Variants in CACNA1H observed in about 807,000 individuals in gnomAD.
The protein encoded by CACNA1H is calcium voltage-gated channel subunit alpha1 H.
In CACNA1H, 149 loss-of-function variants were observed where a neutral mutation model predicts 192.5. The ratio of observed to expected loss-of-function variants is 0.77; its 90% CI spans 0.68 to 0.89. CACNA1H has a LOEUF of 0.89. CACNA1H is among the 40% of genes least tolerant of loss of function. The pLI is 0.00. For synonymous variants in CACNA1H, 2,202 were observed against 1,475.2 expected (o/e 1.49, Z -11.29); for missense variants, 4,257 against 3,423.5 (o/e 1.24, Z -6.08).
At position 1,220,461 on chromosome 16, in the gene CACNA1H, C is replaced by T. The variant is rs1970394104; in HGVS notation, c.6529C>T (p.Pro2177Ser). ...EAKAWGPEAE[P>S]ALGARRKKKM... Reference sequence around the variant, plus strand: ...GAAGGCCTGGGGCCCTGAGGCCGAGCCCGCTCTGGGTGCGCGCAGAAAGAA... The same window carrying T: ...GAAGGCCTGGGGCCCTGAGGCCGAGTCCGCTCTGGGTGCGCGCAGAAAGAA... The change falls in exon 35 of 35, where the codon CCC (proline) becomes TCC (serine). Residue 2177 changes from proline to serine, a missense_variant. By Grantham distance (74) the Pro-to-Ser change is moderately conservative. Transcript: ENST00000348261. 1.3e-6 allele frequency: 2 copies of T among 1,544,508 alleles called. No homozygotes were observed. Among genetic ancestry groups the T allele is most frequent in the Non-Finnish European group, 8.7e-7 (1 of 1,154,172 alleles).
intron 2 of CACNA1H, among the ~76,000 whole-genome samples, chr16:1,177,864 T>C (rs1459240144): frequency 6.6e-6 from 1 of 151,716 alleles, no homozygotes; most frequent in Non-Finnish European, 1.5e-5. Context: ...CTCATCCCAG[T>C]CACCTCCCAA....
rs769709687 is a variant in CACNA1H, at chr16:1,215,299, G to A, written c.5097G>A (p.Glu1699=). The A allele has an allele frequency of 1.9e-6, 3 of 1,610,272 alleles. No individual in the cohort carries two copies. Among genetic ancestry groups the A allele is most frequent in the African/African-American group, 1.3e-5 (1 of 74,976 alleles). Reference sequence around the variant, plus strand: ...TGTCACTCATGGGCATCACGCTGGAGGAGATAGAGATGAGCGCCGCGCTGC... The same window carrying A: ...TGTCACTCATGGGCATCACGCTGGAAGAGATAGAGATGAGCGCCGCGCTGC... ...VLLSLMGITL[E]EIEMSAALPI... is the part of the protein sequence containing the mutation. Residue 1699 remains glutamate (E), a synonymous_variant, in exon 29 of 35, where the codon GAG becomes GAA. Coordinates refer to ENST00000348261, the MANE Select transcript of CACNA1H (RefSeq NM_021098.3).
rs747311145 is a variant in CACNA1H, at chr16:1,200,277, G to A, written c.825G>A (p.Leu275=). Residue 275 remains leucine (L), a synonymous_variant, in exon 7 of 35, where the codon CTG becomes CTA. Coordinates refer to ENST00000348261, the MANE Select transcript of CACNA1H (RefSeq NM_021098.3). The part of the protein sequence containing the change: ...AFVRNNNLTF[L]RPYYQTEEGE... ...CCAGGAACAACAACCTGACCTTCCT[G>A]CGGCCGTACTACCAGACGGAGGAGG... 5.0e-6 allele frequency: 8 copies of A among 1,601,724 alleles called. No individual in the cohort carries two copies. The East Asian group carries it at 1.8e-4, about 36-fold the overall frequency.
intron 2 of CACNA1H, among the ~76,000 whole-genome samples, 200 bp downstream of exon 2, chr16:1,154,236 G>A (rs1451917831): frequency 1.3e-5 from 2 of 151,932 alleles, no homozygotes; most frequent in Non-Finnish European, 2.9e-5. Context: ...GGGGCCACCG[G>A]GCGCCTCCGG....
chr16:1,210,164 G>A (rs1186109821), intron 18 of CACNA1H, 29 bp downstream of exon 18: 2 of 1,524,848 alleles, frequency 1.3e-6, no homozygotes, highest in South Asian at 1.2e-5. Flanking sequence ...GAGGCTGCAT[G>A]GCTAGTTCCA....
In CACNA1H at chr16:1,207,342, C is replaced by T. The variant is rs1271757663; in HGVS notation, c.2975C>T (p.Ala992Val). The T allele has an allele frequency of 1.2e-5, 20 of 1,612,352 alleles. No individual in the cohort carries two copies. Among genetic ancestry groups the T allele is most frequent in the African/African-American group, 2.7e-5 (2 of 74,878 alleles). The change falls in exon 14 of 35, where the codon GCC (alanine) becomes GTC (valine). Residue 992 changes from alanine to valine, a missense_variant. Physicochemically the swap from Ala to Val is moderately conservative, Grantham distance 64. Coordinates refer to ENST00000348261, the MANE Select transcript of CACNA1H (RefSeq NM_021098.3). ...ATGGCCTCCACCTCCTCCTGGGCCG[C>T]CCTCTACTTCGTGGCCCTCATGACC... is the stretch of plus-strand genomic sequence containing the variant. The part of the protein sequence containing the change: ...NGMASTSSWA[A>V]LYFVALMTFG...
intron 26 of CACNA1H, 128 bp from the exon 27 acceptor site, chr16:1,213,652 C>T: frequency 1.6e-6 from 1 of 623,358 alleles, no homozygotes; most frequent in East Asian, 2.9e-5. Flanking sequence ...CCAGCCCCAT[C>T]TTCACATGAG....
At chr16:1,215,147 G>A (rs1969904533) in intron 28 of CACNA1H, 66 bp downstream of exon 28, 1 of 1,582,212 alleles carries the variant, frequency 6.3e-7, no homozygotes, top group Non-Finnish European at 8.6e-7. Context: ...GGGGGCAGGT[G>A]AGGCCGCAGG....
intron 8 of CACNA1H, among the ~76,000 whole-genome samples, chr16:1,201,355 T>C (rs1967874139): frequency 6.6e-6 from 1 of 151,178 alleles, no homozygotes. Context: ...GAGGGGAGAG[T>C]GGCCACCGTT....
intron 16 of CACNA1H, among the ~76,000 whole-genome samples, chr16:1,208,763 C>A (rs1285805821): frequency 6.6e-6 from 1 of 152,118 alleles, no homozygotes; most frequent in East Asian, 1.9e-4. Context: ...CGGGGGCCAC[C>A]CACACTTTGT....
At position 1,202,243 on chromosome 16, in the gene CACNA1H, C is replaced by T. The variant is rs1057518033; in HGVS notation, c.1793C>T (p.Ala598Val). 1 of 1,562,950 alleles carries T rather than the reference C, an allele frequency of 6.4e-7. No individual in the cohort carries two copies. The highest frequency in any genetic ancestry group is 8.7e-7 in the Non-Finnish European group (1 of 1,155,748). ...RARVAHAAAT[A>V]AASLRLATGL... ...CGGGTGGCACATGCCGCAGCCACTGCCGCTGCCAGCCTCAGACTGGCCACA... is the reference window on the plus strand; with the variant it reads ...CGGGTGGCACATGCCGCAGCCACTGTCGCTGCCAGCCTCAGACTGGCCACA... The change falls in exon 9 of 35, where the codon GCC (alanine) becomes GTC (valine). Residue 598 changes from alanine (A) to valine (V), a missense_variant. Transcript: ENST00000348261.
chr16:1,190,872 GTC>G lies in CACNA1H; in HGVS notation c.300-4094_300-4093del, dbSNP rs759417989. Reference sequence around the variant, plus strand: ...CTGTGTGGCCTCAGGCACACTCGGGGTCTCTCTGACCCAGCAGGCTGGCCTGG... The same window carrying G: ...CTGTGTGGCCTCAGGCACACTCGGGGTCTCTGACCCAGCAGGCTGGCCTGG... On this transcript the variant is annotated intron_variant, in intron 2 of 34. Transcript: ENST00000348261. 4.2e-3 allele frequency among the ~76,000 whole-genome samples: 614 copies of G among 146,898 alleles called. 6 individuals carry two copies. Among genetic ancestry groups the G allele is most frequent in the African/African-American group, 0.014 (557 of 39,908 alleles).
In CACNA1H at chr16:1,221,535, G is replaced by C. The variant is rs1970479913; in HGVS notation, c.*541G>C. ...CTTCCCAGAAGCGTCCTGTGACTCT[G>C]GGAGAGGTGACACCTCACTAAGGGG... On this transcript the variant is annotated 3_prime_UTR_variant, in exon 35 of 35. Coordinates refer to ENST00000348261, the MANE Select transcript of CACNA1H (RefSeq NM_021098.3). The C allele has an allele frequency of 1.9e-5, 9 of 482,138 alleles. No homozygotes were observed. The highest frequency in any genetic ancestry group is 3.3e-5 in the Non-Finnish European group (9 of 273,464). 29.9% of individuals were successfully genotyped at this position (482,138 alleles called of 1,614,324 possible).
intron 10 of CACNA1H, 129 bp downstream of exon 10, chr16:1,204,587 C>T (rs568364499): frequency 4.8e-5 from 34 of 709,104 alleles, no homozygotes; most frequent in Non-Finnish European, 6.1e-5. Flanking sequence ...TCTAGAAAGC[C>T]GGGGATGGTG....
intron 6 of CACNA1H, among the ~76,000 whole-genome samples, chr16:1,199,785 C>T (rs568322894): frequency 9.2e-4 from 140 of 151,734 alleles, no homozygotes; most frequent in African/African-American, 3.3e-3. Flanking sequence ...CCTGGATCCT[C>T]TCAGCCCTCA....
Position 1,167,786 on chromosome 16 carries a change from C to G in CACNA1H, c.299+13750C>G, listed in dbSNP as rs1005652537. 2.0e-5 allele frequency among the ~76,000 whole-genome samples: 3 copies of G among 152,198 alleles called. No individual in the cohort carries two copies. Among genetic ancestry groups the G allele is most frequent in the African/African-American group, 7.2e-5 (3 of 41,454 alleles). ...CACCCAGACACGGGAAACGGGACAC[C>G]TGGAGCTGTGGCGCTGGTGTGTGCT... On this transcript the variant is annotated intron_variant, in intron 2 of 34. Coordinates refer to ENST00000348261, the MANE Select transcript of CACNA1H (RefSeq NM_021098.3). The surrounding 1 kb of genome is among the most constrained non-coding windows in gnomAD (Gnocchi z 4.2).
chr16:1,220,497 C>T lies in CACNA1H; in HGVS notation c.6565C>T (p.Pro2189Ser), dbSNP rs538538654. The change falls in exon 35 of 35, where the codon CCC (proline) becomes TCC (serine). Residue 2189 changes from proline (P) to serine (S), a missense_variant. Coordinates refer to ENST00000348261, the MANE Select transcript of CACNA1H (RefSeq NM_021098.3). ...TGCGCGCAGAAAGAAGAAGATGAGCCCCCCCTGCATCTCGGTGGAACCCCC... is the reference window on the plus strand; with the variant it reads ...TGCGCGCAGAAAGAAGAAGATGAGCTCCCCCTGCATCTCGGTGGAACCCCC... ...LGARRKKKMSPPCISVEPPAE... is the reference protein window; with the variant it reads ...LGARRKKKMSSPCISVEPPAE... 1.0e-5 allele frequency: 16 copies of T among 1,543,046 alleles called. No homozygotes were observed. The highest frequency in any genetic ancestry group is 1.8e-4 in the Middle Eastern group (1 of 5,682).
intron 9 of CACNA1H, among the ~76,000 whole-genome samples, chr16:1,203,667 T>G (rs568830458): frequency 1.3e-5 from 2 of 152,290 alleles, no homozygotes; most frequent in East Asian, 1.9e-4. Flanking sequence ...GGGAGAACTC[T>G]CCTCGCCTCT....
intron 26 of CACNA1H, among the ~76,000 whole-genome samples, chr16:1,213,444 C>G (rs1969690334): frequency 6.6e-6 from 1 of 152,100 alleles, no homozygotes; most frequent in South Asian, 2.1e-4. Flanking sequence ...CAGCTTCATA[C>G]CCACTCCTGG....
Sources: gnomAD v4.1 joint callset for allele counts (sites outside exome capture counted in the v4.1 genomes callset) on GRCh38, gnomAD v4.1.1 for gene constraint, Gnocchi (gnomAD v3.1) non-coding constraint, MANE v1.5 for transcripts, NCBI Gene and HGNC (gene_info 2026-07-23, HGNC 2026-07-21) for gene names.